Variants in KIAA0408 observed in about 807,000 individuals in gnomAD.
KIAA0408 encodes the protein uncharacterized protein KIAA0408.
A neutral mutation model predicts 60.9 loss-of-function variants in KIAA0408; 51 were observed. That is an observed-to-expected ratio of 0.84 (90% confidence interval 0.67 to 1.06). The LOEUF is 1.06. Ranked by LOEUF, KIAA0408 falls within the 50% of genes least tolerant of loss-of-function variation. The probability of loss-of-function intolerance (pLI) is 0.00; values close to 1 mark genes in which losing one functional copy is unlikely to be tolerated. For missense variants in KIAA0408, 787 were observed against 833.9 expected (o/e 0.94, Z 0.69); for synonymous variants, 304 against 282.4 (o/e 1.08, Z -0.77).
Position 127,443,895 on chromosome 6 carries a change from G to A in KIAA0408, c.*214C>T, listed in dbSNP as rs1007573473. 11 of 530,794 alleles carry A rather than the reference G, an allele frequency of 2.1e-5. No individual in the cohort carries two copies. The highest frequency in any genetic ancestry group is 3.3e-5 in the East Asian group (1 of 29,982). 32.9% of individuals were successfully genotyped at this position (530,794 alleles called of 1,614,324 possible). A position where few individuals can be genotyped will look rare whatever the true frequency, so the allele number is the denominator to read the frequency against. ...CATTGTTTCAACTTATATTGTATTG[G>A]AAAACTAATGAGGATGGCATTAAAA... On this transcript the variant is annotated 3_prime_UTR_variant, in exon 6 of 6. Coordinates refer to ENST00000483725, the MANE Select transcript of KIAA0408 (RefSeq NM_014702.5).
intron 2 of KIAA0408, among the ~76,000 whole-genome samples, chr6:127,451,591 T>C (rs1020584246): frequency 7.9e-5 from 12 of 152,282 alleles, no homozygotes; most frequent in African/African-American, 2.2e-4. Context: ...TTGCTTTAGT[T>C]GCAAAACCGG....
In KIAA0408 at chr6:127,441,349, A is replaced by G. The variant is rs1315722023; in HGVS notation, c.*2760T>C. The G allele has an allele frequency of 6.6e-6, 1 of 152,524 alleles. No homozygotes were observed. Among genetic ancestry groups the G allele is most frequent in the Non-Finnish European group, 1.5e-5 (1 of 68,006 alleles). The allele number at this position is 152,524 out of a possible 1,614,324, so 9.4% of individuals were successfully genotyped here. On this transcript the variant is annotated 3_prime_UTR_variant, in exon 6 of 6. Coordinates refer to ENST00000483725, the MANE Select transcript of KIAA0408 (RefSeq NM_014702.5). Reference sequence around the variant, plus strand: ...ATGAATTATACAAAGCATCATTTATATTTTTATATTTGGCTTTGGGACATA... The same window carrying G: ...ATGAATTATACAAAGCATCATTTATGTTTTTATATTTGGCTTTGGGACATA...
At chr6:127,454,298 C>A in intron 1 of KIAA0408, 197 bp from the exon 2 acceptor site, 1 of 327,528 alleles carries the variant, frequency 3.1e-6, no homozygotes, top group Non-Finnish European at 4.6e-6. Flanking sequence ...GTTTTTTTCC[C>A]TTTCTGAGAC....
At chr6:127,449,770 A>G (rs1773266688) in intron 4 of KIAA0408, 52 bp downstream of exon 4, 6 of 1,608,474 alleles carry the variant, frequency 3.7e-6, no homozygotes, top group Non-Finnish European at 5.1e-6. Flanking sequence ...TTAACTAAAA[A>G]CAATATTATT....
chr6:127,447,044 GA>G lies in KIAA0408; in HGVS notation c.1274del (p.Phe425SerfsTer96). The G allele has an allele frequency of 6.2e-7, 1 of 1,613,306 alleles. No homozygotes were observed. The highest frequency in any genetic ancestry group is 1.1e-5 in the South Asian group (1 of 90,930). On this transcript the variant is annotated frameshift_variant, in exon 5 of 6. Coordinates refer to ENST00000483725, the MANE Select transcript of KIAA0408 (RefSeq NM_014702.5). LOFTEE classifies it high-confidence loss of function. ...TTGTAGTCCTTTCAAAGCCACAACT[GA>G]AATTTCTAAGTGGGCTACTGCTCTC... is the stretch of plus-strand genomic sequence containing the variant. ...VAESSSPLRN[F>X]SCGFERTTRN...
intron 1 of KIAA0408, among the ~76,000 whole-genome samples, chr6:127,456,878 A>G (rs896342192): frequency 2.6e-5 from 4 of 152,002 alleles, no homozygotes; most frequent in Admixed American, 1.3e-4. Flanking sequence ...ATCATAGCAA[A>G]TGCCTGAAAA....
At chr6:127,451,660 T>C (rs964563204) in intron 2 of KIAA0408, among the ~76,000 whole-genome samples, 1 of 152,164 alleles carries the variant, frequency 6.6e-6, no homozygotes, top group African/African-American at 2.4e-5. Context: ...TGAAGGTATA[T>C]GCACCTGATA....
At position 127,447,865 on chromosome 6, in the gene KIAA0408, A is replaced by C. The variant is rs112167825; in HGVS notation, c.579-125T>G. On this transcript the variant is annotated intron_variant, in intron 4 of 5. Transcript: ENST00000483725. ...AGGATTCACAACTGCCTCATACATCATTTTTACATAAATCTCCCAGTCAAA... is the reference window on the plus strand; with the variant it reads ...AGGATTCACAACTGCCTCATACATCCTTTTTACATAAATCTCCCAGTCAAA... The C allele has an allele frequency of 3.5e-3, 4,314 of 1,216,596 alleles. 116 individuals carry two copies. In the African/African-American group the frequency reaches 0.059, roughly 17 times the overall value. 75.4% of individuals were successfully genotyped at this position (1,216,596 alleles called of 1,614,324 possible). A position where few individuals can be genotyped will look rare whatever the true frequency, so the allele number is the denominator to read the frequency against.
chr6:127,457,200 G>T (rs1773411422), intron 1 of KIAA0408, among the ~76,000 whole-genome samples: 1 of 152,174 alleles, frequency 6.6e-6, no homozygotes, highest in South Asian at 2.1e-4. Context: ...AACTGCTTTT[G>T]TTATAAATCT....
Position 127,446,867 on chromosome 6 carries a change from G to A in KIAA0408, c.1452C>T (p.Ser484=), listed in dbSNP as rs535064718. 1.2e-6 allele frequency: 2 copies of A among 1,613,940 alleles called. No individual in the cohort carries two copies. Among genetic ancestry groups the A allele is most frequent in the South Asian group, 1.1e-5 (1 of 91,050 alleles). ...PCDTSSTHTG[S]ISQSNDVSGI... is the part of the protein sequence containing the mutation. ...CGGACACATCGTTACTTTGTGATAT[G>A]CTACCTGTGTGAGTAGATGAGGTAT... The change falls in exon 5 of 6, where the codon AGC becomes AGT. Residue 484 remains serine, a synonymous_variant. Transcript: ENST00000483725.
In KIAA0408 at chr6:127,446,909, C is replaced by T. The variant is rs1410245652; in HGVS notation, c.1410G>A (p.Glu470=). The T allele has an allele frequency of 1.2e-5, 20 of 1,614,098 alleles. No individual in the cohort carries two copies. In the East Asian group the frequency reaches 4.5e-4, roughly 36 times the overall value. Residue 470 remains glutamate, a synonymous_variant, in exon 5 of 6, where the codon GAG becomes GAA. Transcript: ENST00000483725. ...ATGAGGTATCACAGGGCTTGAGATC[C>T]TCCGATGATTTTGAGCAGCTGTGAT... ...QQNHSCSKSS[E]DLKPCDTSST...
intron 2 of KIAA0408, 132 bp from the exon 3 acceptor site, chr6:127,450,484 G>A (rs1043790609): frequency 1.5e-5 from 21 of 1,368,338 alleles, no homozygotes; most frequent in Middle Eastern, 5.3e-4. Context: ...TTAATGCTTC[G>A]GCCTCCAAAT....
intron 2 of KIAA0408, among the ~76,000 whole-genome samples, chr6:127,453,251 C>CA (rs539999779): frequency 6.6e-6 from 1 of 152,026 alleles, no homozygotes; most frequent in Non-Finnish European, 1.5e-5. Flanking sequence ...TTAACGGGAA[C>CA]AAAATGACTG....
chr6:127,446,288 G>A (rs1773191683), intron 5 of KIAA0408, 120 bp downstream of exon 5: 5 of 1,481,018 alleles, frequency 3.4e-6, no homozygotes, highest in Non-Finnish European at 4.5e-6. Flanking sequence ...AGGGTCAAGA[G>A]GCTAAGAAGA....
chr6:127,445,941 T>A (rs1156278832), intron 5 of KIAA0408, among the ~76,000 whole-genome samples: 2 of 152,200 alleles, frequency 1.3e-5, no homozygotes, highest in East Asian at 3.8e-4. Flanking sequence ...CATATTCATA[T>A]TAATGTGATT....
chr6:127,458,062 C>T (rs150870728), intron 1 of KIAA0408, among the ~76,000 whole-genome samples: 251 of 152,250 alleles, frequency 1.6e-3, no homozygotes, highest in African/African-American at 5.8e-3. Context: ...AATAGAAATG[C>T]CACACACAGT....
In KIAA0408 at chr6:127,447,452, C is replaced by T; in HGVS notation, c.867G>A (p.Trp289Ter). 1 of 1,614,008 alleles carries T rather than the reference C, an allele frequency of 6.2e-7. No individual in the cohort carries two copies. Residue 289 changes from tryptophan to a stop codon, truncating the protein, a stop_gained, in exon 5 of 6, where the codon TGG becomes TGA. Coordinates refer to ENST00000483725, the MANE Select transcript of KIAA0408 (RefSeq NM_014702.5). LOFTEE classifies it high-confidence loss of function. The stretch of plus-strand genomic sequence containing the variant: ...AGCTGTTGTGGTCTAACCTTTCCTT[C>T]CATCTTTCATAGGCTTGTTCAGAAT... ...SSDSEQAYER[W>*]KERLDHNSWV... is the part of the protein sequence containing the mutation.
At chr6:127,453,378 G>A (rs1773335416) in intron 2 of KIAA0408, among the ~76,000 whole-genome samples, 4 of 151,756 alleles carry the variant, frequency 2.6e-5, no homozygotes, top group Admixed American at 1.3e-4. Context: ...TTTGATATAT[G>A]ATACTCCTTT....
intron 4 of KIAA0408, among the ~76,000 whole-genome samples, chr6:127,449,469 G>T (rs535912360): frequency 1.1e-3 from 170 of 152,120 alleles, no homozygotes; most frequent in African/African-American, 3.8e-3. Flanking sequence ...GGCCAACATG[G>T]TGAAATCCCG....
Sources: gnomAD v4.1 joint callset for allele counts (sites outside exome capture counted in the v4.1 genomes callset) on GRCh38, gnomAD v4.1.1 for gene constraint, MANE v1.5 for transcripts, NCBI Gene and HGNC (gene_info 2026-07-23, HGNC 2026-07-21) for gene names.